SEC22A: variants seen among roughly 807,000 people sequenced by gnomAD.
SEC22A encodes the protein SEC22 homolog A, vesicle trafficking protein.
Under a neutral mutation model 35.3 loss-of-function variants are expected in SEC22A, and 22 were observed. The ratio of observed to expected loss-of-function variants is 0.62; its 90% CI spans 0.45 to 0.89. The LOEUF is 0.89. Among genes scored for constraint, SEC22A ranks in the 40% least tolerant of loss-of-function variants. The probability of loss-of-function intolerance (pLI) is 0.00; values close to 1 mark genes in which losing one functional copy is unlikely to be tolerated. For missense variants in SEC22A, 354 were observed against 362.5 expected (o/e 0.98, Z 0.19); for synonymous variants, 119 against 129.5 (o/e 0.92, Z 0.55).
chr3:123,209,507 C>T (rs968473960), intron 2 of SEC22A, 108 bp downstream of exon 2: 24 of 827,560 alleles, frequency 2.9e-5, no homozygotes, highest in East Asian at 2.7e-4. Context: ...CTGTTCAAGT[C>T]GAGCATCATA....
intron 2 of SEC22A, among the ~76,000 whole-genome samples, chr3:123,214,682 G>T (rs545111729): frequency 6.6e-6 from 1 of 152,272 alleles, no homozygotes; most frequent in South Asian, 2.1e-4. Flanking sequence ...ATTAGGTTGG[G>T]TCATCTGAGA....
intron 1 of SEC22A, among the ~76,000 whole-genome samples, chr3:123,206,440 C>G (rs1936853542): frequency 6.6e-6 from 1 of 152,094 alleles, no homozygotes; most frequent in Non-Finnish European, 1.5e-5. Flanking sequence ...AAATTAATTC[C>G]CAGAATGGTT....
chr3:123,213,643 C>T (rs1305385923), intron 2 of SEC22A, among the ~76,000 whole-genome samples: 1 of 152,022 alleles, frequency 6.6e-6, no homozygotes, highest in African/African-American at 2.4e-5. Context: ...CTCTTTATAA[C>T]AGGGTTGTAA....
intron 5 of SEC22A, among the ~76,000 whole-genome samples, chr3:123,249,289 A>C (rs1263971256): frequency 1.3e-5 from 2 of 151,832 alleles, no homozygotes; most frequent in African/African-American, 4.8e-5. Context: ...AGGGTTCTTC[A>C]TGTAGGCATG....
At chr3:123,234,744 T>TG (rs1224903121) in intron 4 of SEC22A, among the ~76,000 whole-genome samples, 18 of 152,126 alleles carry the variant, frequency 1.2e-4, no homozygotes, top group African/African-American at 4.3e-4. Flanking sequence ...AAAAATAGGC[T>TG]GGGCTCAGTG....
chr3:123,210,673 G>A lies in SEC22A; in HGVS notation c.182+1274G>A, dbSNP rs116374753. On this transcript the variant is annotated intron_variant, in intron 2 of 6. Transcript: ENST00000492595. ...TGAGACCACCTTGGAAAGCTTAGAC[G>A]TGAAACAATTAGAGAACAATTAATG... Among the ~76,000 whole-genome samples the A allele has an allele frequency of 5.4e-3, 830 of 152,300 alleles. 8 individuals carry two copies. The highest frequency in any genetic ancestry group is 0.019 in the African/African-American group (776 of 41,562).
intron 6 of SEC22A, among the ~76,000 whole-genome samples, chr3:123,269,471 A>G (rs1448027004): frequency 6.6e-6 from 1 of 152,042 alleles, no homozygotes. Flanking sequence ...ATCTAATTTA[A>G]TATGTAATAA....
rs1422356327 is a variant in SEC22A at position 123,274,033 on chromosome 3, C to T, written c.*2311C>T. 6.6e-6 allele frequency: 1 copy of T among 152,124 alleles called. No individual in the cohort carries two copies. Among genetic ancestry groups the T allele is most frequent in the Non-Finnish European group, 1.5e-5 (1 of 68,016 alleles). 9.4% of individuals were successfully genotyped at this position (152,124 alleles called of 1,614,324 possible). ...CTCACCAACTATTTTTAAAGGCTTA[C>T]TTTGTTTTTGTTTTTATTTTTTCAC... is the stretch of plus-strand genomic sequence containing the variant. On this transcript the variant is annotated 3_prime_UTR_variant, in exon 7 of 7. Coordinates refer to ENST00000492595, the MANE Select transcript of SEC22A (RefSeq NM_012430.5).
chr3:123,227,129 T>C (rs1182217374), intron 4 of SEC22A, among the ~76,000 whole-genome samples: 3 of 152,268 alleles, frequency 2.0e-5, no homozygotes, highest in Non-Finnish European at 4.4e-5. Context: ...GATATAAACT[T>C]TTGCTTAAAA....
chr3:123,209,343 G>A lies in SEC22A; in HGVS notation c.126G>A (p.Arg42=). 6.2e-7 allele frequency: 1 copy of A among 1,614,026 alleles called. No individual in the cohort carries two copies. The highest frequency in any genetic ancestry group is 8.5e-7 in the Non-Finnish European group (1 of 1,179,968). Residue 42 remains arginine, a synonymous_variant, in exon 2 of 7, where the codon AGG becomes AGA. Coordinates refer to ENST00000492595, the MANE Select transcript of SEC22A (RefSeq NM_012430.5). ...GAAAGTATTTTAAAATGCTTTCGAGGAAACTTGCTCAACTTCCTGATAGAT... is the reference window on the plus strand; with the variant it reads ...GAAAGTATTTTAAAATGCTTTCGAGAAAACTTGCTCAACTTCCTGATAGAT... The part of the protein sequence containing the change: ...ECRKYFKMLS[R]KLAQLPDRCT...
At chr3:123,233,638 C>CA (rs1225274770) in intron 4 of SEC22A, among the ~76,000 whole-genome samples, 2 of 138,734 alleles carry the variant, frequency 1.4e-5, no homozygotes, top group Non-Finnish European at 3.1e-5. Flanking sequence ...CCTTTCATGG[C>CA]AAAAAAACAA....
chr3:123,240,999 T>A (rs1434359193), intron 4 of SEC22A, among the ~76,000 whole-genome samples: 1 of 83,854 alleles, frequency 1.2e-5, no homozygotes, highest in East Asian at 5.1e-4. Context: ...AATCTCTCTT[T>A]CTTACACACA....
intron 6 of SEC22A, among the ~76,000 whole-genome samples, chr3:123,259,948 A>T (rs1040686372): frequency 6.6e-6 from 1 of 151,988 alleles, no homozygotes; most frequent in Non-Finnish European, 1.5e-5. Context: ...GCTGGCCAAC[A>T]CGGTGAAACC....
chr3:123,231,866 T>C (rs975272482), intron 4 of SEC22A, among the ~76,000 whole-genome samples: 5 of 151,750 alleles, frequency 3.3e-5, no homozygotes, highest in African/African-American at 1.2e-4. Context: ...TAGAGAAAAA[T>C]CAACAAAACC....
intron 5 of SEC22A, among the ~76,000 whole-genome samples, chr3:123,246,773 T>C (rs1039454703): frequency 6.6e-6 from 1 of 152,204 alleles, no homozygotes; most frequent in African/African-American, 2.4e-5. Context: ...TCTCACATTA[T>C]GAATCAGTCC....
rs576799062 is a variant in SEC22A, at chr3:123,272,742, G to A, written c.*1020G>A. The A allele has an allele frequency of 6.5e-6, 1 of 153,722 alleles. No homozygotes were observed. The highest frequency in any genetic ancestry group is 1.5e-5 in the Non-Finnish European group (1 of 68,032). 9.5% of individuals were successfully genotyped at this position (153,722 alleles called of 1,614,324 possible). On this transcript the variant is annotated 3_prime_UTR_variant, in exon 7 of 7. Transcript: ENST00000492595. ...CAGAGGATAAAAGGAAACTGTAAAG[G>A]GAATGACATTCTCACTGTGATTCAG...
At chr3:123,211,112 G>C (rs1311199354) in intron 2 of SEC22A, among the ~76,000 whole-genome samples, 3 of 152,184 alleles carry the variant, frequency 2.0e-5, no homozygotes, top group African/African-American at 7.2e-5. Context: ...TCCTGAGACA[G>C]TGGAACTTAG....
At chr3:123,234,640 T>C (rs920456991) in intron 4 of SEC22A, among the ~76,000 whole-genome samples, 4 of 151,722 alleles carry the variant, frequency 2.6e-5, no homozygotes, top group Non-Finnish European at 4.4e-5. Context: ...ACAACAAAAC[T>C]ATAAAACTTT....
At chr3:123,229,874 TA>T (rs1197501773) in intron 4 of SEC22A, among the ~76,000 whole-genome samples, 17 of 112,474 alleles carry the variant, frequency 1.5e-4, no homozygotes, top group African/African-American at 2.0e-4. Flanking sequence ...AAAAAAAAAA[TA>T]AATAATAATA....
Sources: gnomAD v4.1 joint callset for allele counts (sites outside exome capture counted in the v4.1 genomes callset) on GRCh38, gnomAD v4.1.1 for gene constraint, MANE v1.5 for transcripts, NCBI Gene and HGNC (gene_info 2026-07-23, HGNC 2026-07-21) for gene names.